The following TNPO1 variants were observed in gnomAD, a reference collection of about 807,000 sequenced individuals.
The protein encoded by TNPO1 is transportin 1.
TNPO1 carries 8 observed loss-of-function variants against 119.5 expected under a neutral mutation model. The ratio of observed to expected loss-of-function variants is 0.07; its 90% CI spans 0.04 to 0.12. The LOEUF (loss-of-function observed/expected upper bound fraction) is 0.12, where lower values mean the gene tolerates loss of function less well. Ranked by LOEUF, TNPO1 falls within the 10% of genes least tolerant of loss-of-function variation. TNPO1 has a pLI of 1.00. For synonymous variants in TNPO1, 362 were observed against 363.0 expected (o/e 1.00, Z 0.03); for missense variants, 576 against 1,089.8 (o/e 0.53, Z 6.64).
chr5:72,822,412 C>G (rs558616941), intron 1 of TNPO1, among the ~76,000 whole-genome samples: 2 of 151,460 alleles, frequency 1.3e-5, no homozygotes, highest in Non-Finnish European at 2.9e-5. Flanking sequence ...TTGAATATAT[C>G]GGTACGGCTA....
chr5:72,875,758 G>T, intron 8 of TNPO1, 21 bp downstream of exon 8: 1 of 1,588,782 alleles, frequency 6.3e-7, no homozygotes, highest in Non-Finnish European at 8.6e-7. Context: ...CAATTTAAAG[G>T]CTCTTTCATC....
intron 6 of TNPO1, chr5:72,871,707 G>A (rs1747418899): frequency 6.6e-6 from 1 of 152,202 alleles, no homozygotes; most frequent in Non-Finnish European, 1.5e-5. Flanking sequence ...AACAGCAAGT[G>A]AGAAGTCTCT....
At chr5:72,908,271 GA>G (rs1554056297) in intron 24 of TNPO1, among the ~76,000 whole-genome samples, 2 of 152,086 alleles carry the variant, frequency 1.3e-5, no homozygotes, top group South Asian at 2.1e-4. Flanking sequence ...AATACTGGGG[GA>G]AAAAAAGATG....
chr5:72,902,091 T>A (rs1749839704), intron 22 of TNPO1, among the ~76,000 whole-genome samples: 1 of 150,692 alleles, frequency 6.6e-6, no homozygotes, highest in South Asian at 2.1e-4. Flanking sequence ...AAAAAAAATG[T>A]AGTTGAGGGA....
At chr5:72,883,298 C>T in intron 11 of TNPO1, 66 bp downstream of exon 11, 3 of 762,366 alleles carry the variant, frequency 3.9e-6, no homozygotes, top group Non-Finnish European at 7.0e-6. Context: ...TATAATTCAT[C>T]TACTGTACAG....
intron 8 of TNPO1, among the ~76,000 whole-genome samples, chr5:72,875,943 T>C (rs191314958): frequency 3.3e-5 from 5 of 152,324 alleles, no homozygotes; most frequent in Middle Eastern, 3.4e-3. Flanking sequence ...TAGTATGTTA[T>C]CTAGAGCCTC....
At chr5:72,899,368 A>G (rs1749656076) in intron 20 of TNPO1, among the ~76,000 whole-genome samples, 1 of 152,170 alleles carries the variant, frequency 6.6e-6, no homozygotes, top group African/African-American at 2.4e-5. Flanking sequence ...CCATTCATTC[A>G]GTGAGTACCA....
At chr5:72,875,558 T>C in intron 7 of TNPO1, 57 bp from the exon 8 acceptor site, 2 of 1,566,214 alleles carry the variant, frequency 1.3e-6, no homozygotes, top group South Asian at 2.3e-5. Flanking sequence ...TGCAGATTAC[T>C]TATTACTTGT....
At chr5:72,872,141 G>A (rs1037454303) in intron 6 of TNPO1, among the ~76,000 whole-genome samples, 3 of 152,184 alleles carry the variant, frequency 2.0e-5, no homozygotes, top group Non-Finnish European at 4.4e-5. Flanking sequence ...CCTGGTAAGA[G>A]ATCAGAGATC....
At chr5:72,842,864 A>G (rs1744976659) in intron 1 of TNPO1, among the ~76,000 whole-genome samples, 1 of 152,162 alleles carries the variant, frequency 6.6e-6, no homozygotes, top group African/African-American at 2.4e-5. Context: ...TATTATCCTT[A>G]AGATAGTCCA....
Position 72,887,998 on chromosome 5 carries a change from G to A in TNPO1, c.1304-80G>A. On this transcript the variant is annotated intron_variant, in intron 12 of 24. Coordinates refer to ENST00000337273, the MANE Select transcript of TNPO1 (RefSeq NM_002270.4). ...TAGAAATATTCTGAATTTTTTCATAGATACGTGTTTTATTTTCATAATCAA... is the reference window on the plus strand; with the variant it reads ...TAGAAATATTCTGAATTTTTTCATAAATACGTGTTTTATTTTCATAATCAA... 6 of 1,308,178 alleles carry A rather than the reference G, an allele frequency of 4.6e-6. No individual in the cohort carries two copies. In the South Asian group the frequency reaches 6.6e-5, roughly 14 times the overall value. 81.0% of individuals were successfully genotyped at this position (1,308,178 alleles called of 1,614,324 possible).
chr5:72,823,363 C>A (rs757333995), intron 1 of TNPO1, among the ~76,000 whole-genome samples: 2 of 152,194 alleles, frequency 1.3e-5, no homozygotes, highest in Non-Finnish European at 2.9e-5. Flanking sequence ...TGGCCTCTCA[C>A]TTCCTAGACC....
At chr5:72,890,807 T>A (rs926856476) in intron 14 of TNPO1, among the ~76,000 whole-genome samples, 20 of 152,170 alleles carry the variant, frequency 1.3e-4, no homozygotes, top group Non-Finnish European at 2.9e-5. Context: ...GATTTAAAAA[T>A]GTACTATATA....
chr5:72,831,967 G>C (rs184788858), intron 1 of TNPO1, among the ~76,000 whole-genome samples: 3 of 151,488 alleles, frequency 2.0e-5, no homozygotes, highest in Admixed American at 1.3e-4. Flanking sequence ...TTTTTTGATT[G>C]TTGCATAATA....
chr5:72,853,601 T>C (rs1476137431), intron 3 of TNPO1, among the ~76,000 whole-genome samples: 1 of 152,160 alleles, frequency 6.6e-6, no homozygotes, highest in African/African-American at 2.4e-5. Context: ...GCAGTTTCTC[T>C]GAGGATGCAG....
chr5:72,855,382 C>CAT (rs1246483739), intron 3 of TNPO1, among the ~76,000 whole-genome samples: 1 of 152,010 alleles, frequency 6.6e-6, no homozygotes, highest in African/African-American at 2.4e-5. Flanking sequence ...GCACAGTGGC[C>CAT]ATATATATAA....
intron 1 of TNPO1, among the ~76,000 whole-genome samples, chr5:72,842,225 C>T (rs1156806585): frequency 6.6e-5 from 10 of 152,008 alleles, no homozygotes; most frequent in African/African-American, 1.9e-4. Context: ...TATGTTCTTT[C>T]GTATGCACAT....
chr5:72,887,721 A>T (rs1748751484), intron 12 of TNPO1, among the ~76,000 whole-genome samples: 1 of 152,120 alleles, frequency 6.6e-6, no homozygotes, highest in South Asian at 2.1e-4. Flanking sequence ...AGGGAACAGA[A>T]TGAAAGGCTC....
chr5:72,882,592 T>A lies in TNPO1; in HGVS notation c.981+65T>A, dbSNP rs1009011926. 8 of 1,221,830 alleles carry A rather than the reference T, an allele frequency of 6.5e-6. No individual in the cohort carries two copies. The Admixed American group carries it at 1.4e-4, about 21-fold the overall frequency. 75.7% of individuals were successfully genotyped at this position (1,221,830 alleles called of 1,614,324 possible). A position where few individuals can be genotyped will look rare whatever the true frequency, so the allele number is the denominator to read the frequency against. On this transcript the variant is annotated intron_variant, in intron 10 of 24. Transcript: ENST00000337273. ...ATATTGACTTAGTACATCTTTGGATTTGGCCAATAAAACATTCATTGAGAA... is the reference window on the plus strand; with the variant it reads ...ATATTGACTTAGTACATCTTTGGATATGGCCAATAAAACATTCATTGAGAA...
Sources: allele counts gnomAD v4.1 joint callset (sites outside exome capture counted in the v4.1 genomes callset), GRCh38; gene constraint gnomAD v4.1.1; transcripts MANE v1.5; gene names NCBI Gene and HGNC (gene_info 2026-07-23, HGNC 2026-07-21).